ME1: variants seen among roughly 807,000 people sequenced by gnomAD.
ME1 encodes malic enzyme 1.
A neutral mutation model predicts 66.4 loss-of-function variants in ME1; 74 were observed. That is an observed-to-expected ratio of 1.11 (90% CI 0.92 to 1.35). The LOEUF is 1.35. Among genes scored for constraint, ME1 ranks in the 40% most tolerant of loss-of-function variants. ME1 has a pLI of 0.00. For missense variants in ME1, 750 were observed against 694.1 expected (o/e 1.08, Z -0.90); for synonymous variants, 251 against 235.6 (o/e 1.07, Z -0.60).
intron 6 of ME1, among the ~76,000 whole-genome samples, chr6:83,289,759 T>A (rs934887558): frequency 6.6e-6 from 1 of 152,182 alleles, no homozygotes; most frequent in Admixed American, 6.5e-5. Context: ...ATCCATCTGG[T>A]CCTCGACTTT....
At chr6:83,430,086 A>G (rs1770455195) in intron 1 of ME1, among the ~76,000 whole-genome samples, 1 of 152,194 alleles carries the variant, frequency 6.6e-6, no homozygotes, top group Non-Finnish European at 1.5e-5. Context: ...AGGATCCGAA[A>G]AGGAGTCTCT....
intron 6 of ME1, among the ~76,000 whole-genome samples, chr6:83,296,329 G>A (rs1337937046): frequency 1.3e-5 from 2 of 152,192 alleles, no homozygotes; most frequent in Non-Finnish European, 2.9e-5. Context: ...CTACGATCAA[G>A]TAGGCTTCAT....
At chr6:83,290,816 G>T (rs190179845) in intron 6 of ME1, among the ~76,000 whole-genome samples, 18 of 152,264 alleles carry the variant, frequency 1.2e-4, no homozygotes, top group African/African-American at 4.3e-4. Context: ...TGTATTGGGT[G>T]CATATATATT....
At chr6:83,321,223 G>T (rs1433175460) in intron 5 of ME1, among the ~76,000 whole-genome samples, 1 of 152,110 alleles carries the variant, frequency 6.6e-6, no homozygotes, top group Non-Finnish European at 1.5e-5. Context: ...CACAAAACTG[G>T]GTGGTCATTT....
intron 3 of ME1, among the ~76,000 whole-genome samples, chr6:83,374,193 G>T (rs1358872670): frequency 1.3e-5 from 2 of 152,100 alleles, no homozygotes; most frequent in East Asian, 3.8e-4. Context: ...TTCCATAATG[G>T]TTGAACTAAT....
At chr6:83,359,200 C>T (rs974110559) in intron 3 of ME1, among the ~76,000 whole-genome samples, 7 of 151,866 alleles carry the variant, frequency 4.6e-5, no homozygotes, top group South Asian at 2.1e-4. Context: ...CCAGACGATG[C>T]GGGAGCTGGG....
At chr6:83,328,247 A>G (rs1439314470) in intron 5 of ME1, among the ~76,000 whole-genome samples, 2 of 152,186 alleles carry the variant, frequency 1.3e-5, no homozygotes, top group Non-Finnish European at 2.9e-5. Context: ...GTTCTCACTC[A>G]TAAGTGGGAA....
intron 2 of ME1, among the ~76,000 whole-genome samples, chr6:83,404,421 T>C (rs896031979): frequency 6.6e-6 from 1 of 152,176 alleles, no homozygotes; most frequent in African/African-American, 2.4e-5. Flanking sequence ...GATTGACAGA[T>C]TGCAAAAATT....
intron 3 of ME1, among the ~76,000 whole-genome samples, chr6:83,361,074 G>A (rs192875072): frequency 9.9e-5 from 15 of 152,242 alleles, no homozygotes; most frequent in African/African-American, 2.6e-4. Flanking sequence ...ATCACTTTTC[G>A]CTCCTGCAAG....
At chr6:83,229,401 CA>C (rs1790257342) in intron 9 of ME1, among the ~76,000 whole-genome samples, 2 of 152,104 alleles carry the variant, frequency 1.3e-5, no homozygotes, top group Non-Finnish European at 2.9e-5. Flanking sequence ...AGTAAGTATG[CA>C]TTTTATATGT....
intron 8 of ME1, among the ~76,000 whole-genome samples, chr6:83,239,107 T>A (rs2128525811): frequency 6.6e-6 from 1 of 152,066 alleles, no homozygotes; most frequent in African/African-American, 2.4e-5. Context: ...TGTTTTTTCT[T>A]AAAAACACAT....
At chr6:83,383,149 TACAC>T (rs1208030195) in intron 3 of ME1, among the ~76,000 whole-genome samples, 1 of 151,674 alleles carries the variant, frequency 6.6e-6, no homozygotes, top group Non-Finnish European at 1.5e-5. Context: ...CATACATACA[TACAC>T]ACACACATAT....
In ME1 at chr6:83,223,744, G is replaced by C; in HGVS notation, c.1449+16C>G. ...GTATTTTAAACCCTTGGTAAACTTAGAGGATTTTACAATACCTCAGCAGTA... is the reference window on the plus strand; with the variant it reads ...GTATTTTAAACCCTTGGTAAACTTACAGGATTTTACAATACCTCAGCAGTA... On this transcript the variant is annotated intron_variant, in intron 12 of 13. Transcript: ENST00000369705. 1 of 1,611,292 alleles carries C rather than the reference G, an allele frequency of 6.2e-7. No individual in the cohort carries two copies. Among genetic ancestry groups the C allele is most frequent in the Non-Finnish European group, 8.5e-7 (1 of 1,178,040 alleles).
chr6:83,396,754 T>C (rs998254348), intron 3 of ME1, among the ~76,000 whole-genome samples: 1 of 152,142 alleles, frequency 6.6e-6, no homozygotes, highest in African/African-American at 2.4e-5. Flanking sequence ...CACAACGGCA[T>C]GGTACCAGTA....
chr6:83,345,256 T>C (rs1307544939), intron 5 of ME1, among the ~76,000 whole-genome samples: 2 of 152,236 alleles, frequency 1.3e-5, no homozygotes, highest in African/African-American at 2.4e-5. Flanking sequence ...GCCACTTCTA[T>C]TGGTATTAGA....
At chr6:83,311,348 G>T (rs1338524406) in intron 6 of ME1, among the ~76,000 whole-genome samples, 11 of 152,134 alleles carry the variant, frequency 7.2e-5, no homozygotes, top group Admixed American at 7.2e-4. Flanking sequence ...TTACTGATTT[G>T]CAGGCACTCT....
intron 3 of ME1, 134 bp downstream of exon 3, chr6:83,398,233 C>T (rs1490230383): frequency 5.1e-6 from 3 of 586,406 alleles, no homozygotes; most frequent in African/African-American, 2.0e-5. Context: ...TGTTTCAGAA[C>T]ATCCTCTGTA....
intron 3 of ME1, among the ~76,000 whole-genome samples, chr6:83,380,244 G>A (rs575487522): frequency 6.6e-6 from 1 of 152,132 alleles, no homozygotes; most frequent in African/African-American, 2.4e-5. Context: ...TTCAACTTGG[G>A]GTAGGGACAT....
chr6:83,298,507 C>A lies in ME1; in HGVS notation c.704+16803G>T, dbSNP rs547149141. Among the ~76,000 whole-genome samples the A allele has an allele frequency of 9.9e-5, 15 of 152,184 alleles. No homozygotes were observed. The East Asian group carries it at 2.9e-3, about 29-fold the overall frequency. The stretch of plus-strand genomic sequence containing the variant: ...TAGATTGCAAAAATTTTCTCCCATT[C>A]TGTAGGCTGTCTGTTTACTCTGATG... On this transcript the variant is annotated intron_variant, in intron 6 of 13. Coordinates refer to ENST00000369705, the MANE Select transcript of ME1 (RefSeq NM_002395.6).
Sources: allele counts gnomAD v4.1 joint callset (sites outside exome capture counted in the v4.1 genomes callset), GRCh38; gene constraint gnomAD v4.1.1; transcripts MANE v1.5; gene names NCBI Gene and HGNC (gene_info 2026-07-23, HGNC 2026-07-21).